The following AHCYL2 variants were observed in gnomAD, a reference collection of about 807,000 sequenced individuals.
AHCYL2 encodes adenosylhomocysteinase like 2, also known as S-adenosylhomocysteine hydrolase-like protein 2.
Under a neutral mutation model 81.4 loss-of-function variants are expected in AHCYL2, and 28 were observed. That is an observed-to-expected ratio of 0.34 (90% CI 0.25 to 0.47). AHCYL2 has a LOEUF of 0.47. Among genes scored for constraint, AHCYL2 ranks in the 20% least tolerant of loss-of-function variants. AHCYL2 has a pLI of 1.00. For missense variants in AHCYL2, 551 were observed against 785.1 expected, an observed-to-expected ratio of 0.70 and a Z score of 3.56; for synonymous variants, 272 against 290.2, an observed-to-expected ratio of 0.94 and a Z score of 0.64.
chr7:129,297,249 TA>T (rs1797080771), intron 1 of AHCYL2, among the ~76,000 whole-genome samples: 1 of 152,224 alleles, frequency 6.6e-6, no homozygotes, highest in African/African-American at 2.4e-5. Flanking sequence ...GTCCCCTGGT[TA>T]ATGATGGTGT....
At chr7:129,239,684 G>A (rs567249852) in intron 1 of AHCYL2, among the ~76,000 whole-genome samples, 1 of 152,062 alleles carries the variant, frequency 6.6e-6, no homozygotes, top group African/African-American at 2.4e-5. Context: ...TGGAAAGGTG[G>A]AAACTTACAG....
At chr7:129,409,391 A>G in intron 10 of AHCYL2, 85 bp from the exon 11 acceptor site, 1 of 972,802 alleles carries the variant, frequency 1.0e-6, no homozygotes, top group Non-Finnish European at 1.6e-6. Context: ...AAATGACAGC[A>G]ACTTGATATT....
In AHCYL2 at chr7:129,368,257, A is replaced by G; in HGVS notation, c.364-11381A>G. ...GGTGCAGCACTTTGCATCAGCTCTG[A>G]TTTTGAAATCAGACACAGAAGGCTT... On this transcript the variant is annotated intron_variant, in intron 1 of 16. Coordinates refer to ENST00000325006, the MANE Select transcript of AHCYL2 (RefSeq NM_015328.4). The surrounding 1 kb of genome is among the most constrained non-coding windows in gnomAD (Gnocchi z 4.4). 7.2e-7 allele frequency: 1 copy of G among 1,395,742 alleles called. No homozygotes were observed. Among genetic ancestry groups the G allele is most frequent in the South Asian group, 1.6e-5 (1 of 61,472 alleles). 86.5% of individuals were successfully genotyped at this position (1,395,742 alleles called of 1,614,324 possible).
chr7:129,257,850 A>C lies in AHCYL2; in HGVS notation c.363+32411A>C, dbSNP rs142608522. On this transcript the variant is annotated intron_variant, in intron 1 of 16. Transcript: ENST00000325006. Reference sequence around the variant, plus strand: ...ATAGTGCTGAGTAACAACAGAAAGAAAAGGAATGAGATATGTAACACAATA... The same window carrying C: ...ATAGTGCTGAGTAACAACAGAAAGACAAGGAATGAGATATGTAACACAATA... Among the ~76,000 whole-genome samples the C allele has an allele frequency of 2.9e-3, 444 of 152,316 alleles. 3 individuals are homozygous for C. Among genetic ancestry groups the C allele is most frequent in the African/African-American group, 0.01 (422 of 41,568 alleles).
chr7:129,322,180 C>T lies in AHCYL2; in HGVS notation c.364-57458C>T, dbSNP rs180895622. The stretch of plus-strand genomic sequence containing the variant: ...GTTTGTTTGTTTGTTTGCCCTGTTA[C>T]CCAGGCTGGAGTCCAGTGGCGTGAT... On this transcript the variant is annotated intron_variant, in intron 1 of 16. Coordinates refer to ENST00000325006, the MANE Select transcript of AHCYL2 (RefSeq NM_015328.4). Among the ~76,000 whole-genome samples, 25 of 152,164 alleles carry T rather than the reference C, an allele frequency of 1.6e-4. 1 individual carries two copies. The East Asian group carries it at 4.8e-3, about 29-fold the overall frequency.
intron 1 of AHCYL2, chr7:129,377,469 T>C: frequency 2.2e-6 from 1 of 453,026 alleles, no homozygotes; most frequent in South Asian, 1.6e-5. Context: ...AAAGGCAATG[T>C]GAAGCTATTT....
intron 12 of AHCYL2, 70 bp downstream of exon 12, chr7:129,413,758 G>A (rs1796711506): frequency 7.6e-7 from 1 of 1,309,216 alleles, no homozygotes; most frequent in African/African-American, 1.5e-5. Context: ...GAAAATGAGA[G>A]AGCAGGGTCA....
rs143888397 is a variant in AHCYL2 at position 129,233,523 on chromosome 7, C to G, written c.363+8084C>G. Among the ~76,000 whole-genome samples the G allele has an allele frequency of 2.8e-4, 43 of 151,656 alleles. 1 individual carries two copies. The East Asian group carries it at 8.4e-3, about 29-fold the overall frequency. ...TCTTTTTTTGAGATGGAATCTTGCT[C>G]TGTCCCCAGGCTGGAGTGCAGTGGC... On this transcript the variant is annotated intron_variant, in intron 1 of 16. Transcript: ENST00000325006.
At chr7:129,230,201 C>A (rs1794377425) in intron 1 of AHCYL2, among the ~76,000 whole-genome samples, 1 of 149,702 alleles carries the variant, frequency 6.7e-6, no homozygotes, top group South Asian at 2.1e-4. Context: ...TCCTGTCTTG[C>A]CCTCCTGAGT....
chr7:129,291,113 C>T (rs146475612), intron 1 of AHCYL2, among the ~76,000 whole-genome samples: 2,052 of 152,106 alleles, frequency 0.013, 42 homozygotes, highest in African/African-American at 0.046. Flanking sequence ...CATTTAAAAG[C>T]CACCTTTCCT....
intron 1 of AHCYL2, chr7:129,375,622 A>G: frequency 8.9e-6 from 12 of 1,347,002 alleles, no homozygotes; most frequent in Non-Finnish European, 1.1e-5. Context: ...AAGTAAAAGC[A>G]AAACAGCCAC....
chr7:129,345,787 A>G (rs935888918), intron 1 of AHCYL2, among the ~76,000 whole-genome samples: 29 of 152,198 alleles, frequency 1.9e-4, no homozygotes, highest in African/African-American at 7.0e-4. Context: ...ATGAAGTGGT[A>G]GGATAGGATG....
chr7:129,359,725 G>A (rs765260583), intron 1 of AHCYL2, among the ~76,000 whole-genome samples: 5 of 152,170 alleles, frequency 3.3e-5, no homozygotes, highest in Non-Finnish European at 7.3e-5. Context: ...TTTAGCTAGA[G>A]GTGCTAACTA....
rs769701638 is a variant in AHCYL2, at chr7:129,243,018, C to CTTT, written c.363+17597_363+17599dup. Among the ~76,000 whole-genome samples, 34 of 125,592 alleles carry CTTT rather than the reference C, an allele frequency of 2.7e-4. 1 individual carries two copies. Among genetic ancestry groups the CTTT allele is most frequent in the African/African-American group, 3.6e-4 (12 of 33,156 alleles). 82.4% of individuals were successfully genotyped at this position (125,592 alleles called of 152,430 possible). A position where few individuals can be genotyped will look rare whatever the true frequency, so the allele number is the denominator to read the frequency against. On this transcript the variant is annotated intron_variant, in intron 1 of 16. Coordinates refer to ENST00000325006, the MANE Select transcript of AHCYL2 (RefSeq NM_015328.4). ...TTTTCTTATCGACTATATTGTTTCT[C>CTTT]TTTTTTTTTTTTTTTTTTTTGAGAT...
intron 1 of AHCYL2, among the ~76,000 whole-genome samples, chr7:129,307,518 T>C (rs1797485001): frequency 6.6e-6 from 1 of 151,910 alleles, no homozygotes; most frequent in African/African-American, 2.4e-5. Context: ...CCCCTCTGGC[T>C]CAGGGTAGGT....
chr7:129,277,646 T>C (rs1216616814), intron 1 of AHCYL2, among the ~76,000 whole-genome samples: 4 of 151,972 alleles, frequency 2.6e-5, no homozygotes, highest in Admixed American at 6.6e-5. Context: ...AATAATAGAG[T>C]CTGCATTTTC....
chr7:129,225,495 A>G, intron 1 of AHCYL2, 56 bp downstream of exon 1: 1 of 1,436,336 alleles, frequency 7.0e-7, no homozygotes, highest in Non-Finnish European at 9.1e-7. Flanking sequence ...GGAACTGCAG[A>G]TCCTCTCGGC....
At chr7:129,271,976 G>A (rs1380397637) in intron 1 of AHCYL2, among the ~76,000 whole-genome samples, 1 of 152,194 alleles carries the variant, frequency 6.6e-6, no homozygotes, top group Non-Finnish European at 1.5e-5. Context: ...CCAAATCTGG[G>A]CTGGCCTTAG....
chr7:129,257,374 G>A (rs181818334), intron 1 of AHCYL2, among the ~76,000 whole-genome samples: 7 of 152,242 alleles, frequency 4.6e-5, no homozygotes, highest in Non-Finnish European at 1.0e-4. Flanking sequence ...TCAGAGACAA[G>A]GGAGGAAGTC....
Sources: gnomAD v4.1 joint callset for allele counts (sites outside exome capture counted in the v4.1 genomes callset) on GRCh38, gnomAD v4.1.1 for gene constraint, Gnocchi (gnomAD v3.1) non-coding constraint, MANE v1.5 for transcripts, NCBI Gene and HGNC (gene_info 2026-07-23, HGNC 2026-07-21) for gene names.